USP24: variants seen among roughly 807,000 people sequenced by gnomAD.
The protein encoded by USP24 is ubiquitin specific peptidase 24.
In USP24, 97 loss-of-function variants were observed where a neutral mutation model predicts 361.6. The observed-to-expected ratio is 0.27, with a 90% CI of 0.23 to 0.32. The LOEUF is 0.32. Ranked by LOEUF, USP24 falls within the 10% of genes least tolerant of loss-of-function variation. The probability of loss-of-function intolerance (pLI) is 1.00; values close to 1 mark genes in which losing one functional copy is unlikely to be tolerated. For missense variants in USP24, 2,353 were observed against 3,165.6 expected (o/e 0.74, Z 6.16); for synonymous variants, 1,098 against 1,124.6 (o/e 0.98, Z 0.47).
At chr1:55,071,169 C>T (rs1644912066) in intron 67 of USP24, 1 of 985,412 alleles carries the variant, frequency 1.0e-6, no homozygotes, top group African/African-American at 1.7e-5. Context: ...TTTAATGGGG[C>T]CTATTCTGTA....
intron 16 of USP24, among the ~76,000 whole-genome samples, chr1:55,149,693 C>T (rs1204294125): frequency 6.6e-6 from 1 of 152,152 alleles, no homozygotes; most frequent in Non-Finnish European, 1.5e-5. Context: ...CCACTAGGCA[C>T]AGGAGTAAGT....
At chr1:55,103,820 T>C in intron 42 of USP24, 56 bp downstream of exon 42, 7 of 1,547,050 alleles carry the variant, frequency 4.5e-6, no homozygotes, top group Middle Eastern at 2.1e-4. Flanking sequence ...CTTAAAATTA[T>C]ATGTTTCAGA....
chr1:55,088,488 TAG>T (rs982988445), intron 55 of USP24, among the ~76,000 whole-genome samples: 2 of 152,232 alleles, frequency 1.3e-5, no homozygotes, highest in Non-Finnish European at 2.9e-5. Flanking sequence ...TGTGCACATG[TAG>T]AGAGATTCAT....
Position 55,165,048 on chromosome 1 carries a change from A to G in USP24, c.927+837T>C, listed in dbSNP as rs984245739. 3.3e-5 allele frequency among the ~76,000 whole-genome samples: 5 copies of G among 152,128 alleles called. No individual in the cohort carries two copies. In the East Asian group the frequency reaches 9.7e-4, roughly 29 times the overall value. ...AAACACTGGGTGGCAAGAAAGAGTCAATCTATTACTACACCATCAGTCTCT... is the reference window on the plus strand; with the variant it reads ...AAACACTGGGTGGCAAGAAAGAGTCGATCTATTACTACACCATCAGTCTCT... On this transcript the variant is annotated intron_variant, in intron 7 of 67. Transcript: ENST00000294383.
chr1:55,118,349 T>C (rs1404751646), intron 38 of USP24, among the ~76,000 whole-genome samples: 1 of 152,058 alleles, frequency 6.6e-6, no homozygotes, highest in African/African-American at 2.4e-5. Flanking sequence ...AACCATTCAA[T>C]GGGGAAAGGA....
At chr1:55,110,309 C>G in intron 38 of USP24, 63 bp from the exon 39 acceptor site, 1 of 1,337,776 alleles carries the variant, frequency 7.5e-7, no homozygotes, top group East Asian at 2.7e-5. Context: ...AAGCATTTTC[C>G]TTGTAAGAAC....
chr1:55,069,333 CT>C (rs1644872493), intron 67 of USP24, among the ~76,000 whole-genome samples: 1 of 152,236 alleles, frequency 6.6e-6, no homozygotes, highest in South Asian at 2.1e-4. Context: ...AACCCAGCGA[CT>C]TGTCTAAAGT....
At chr1:55,151,803 G>T in intron 16 of USP24, 1 of 777,650 alleles carries the variant, frequency 1.3e-6, no homozygotes, top group Non-Finnish European at 1.6e-6. Context: ...CACAACAGTG[G>T]AACTTGGGAA....
At chr1:55,176,468 T>C in intron 2 of USP24, 25 bp from the exon 3 acceptor site, 2 of 1,547,308 alleles carry the variant, frequency 1.3e-6, no homozygotes, top group Non-Finnish European at 1.8e-6. Context: ...TGAAATAATA[T>C]ACTTTATTTA....
chr1:55,093,478 T>C (rs587430), intron 52 of USP24: 158,021 of 158,192 alleles, frequency 1, 78,925 homozygotes, highest in Middle Eastern at 1. Context: ...TGATACTGCA[T>C]AATAATCTTT....
At chr1:55,115,918 C>G (rs1646101007) in intron 38 of USP24, among the ~76,000 whole-genome samples, 1 of 152,124 alleles carries the variant, frequency 6.6e-6, no homozygotes, top group Non-Finnish European at 1.5e-5. Flanking sequence ...AACACAAGAA[C>G]AGAAAACCAA....
chr1:55,160,041 G>C (rs1648107998), intron 8 of USP24, among the ~76,000 whole-genome samples: 1 of 152,074 alleles, frequency 6.6e-6, no homozygotes, highest in African/African-American at 2.4e-5. Flanking sequence ...TATAAACACA[G>C]ACCATGGAAA....
At position 55,101,015 on chromosome 1, in the gene USP24, G is replaced by A. The variant is rs1378810082; in HGVS notation, c.5146-51C>T. 3 of 1,582,418 alleles carry A rather than the reference G, an allele frequency of 1.9e-6. No homozygotes were observed. The African/African-American group carries it at 4.1e-5, about 22-fold the overall frequency. The stretch of plus-strand genomic sequence containing the variant: ...CTTGAAATATTTAAAATGCTTCACA[G>A]GAAACTCTGACATATGTACATGTTA... On this transcript the variant is annotated intron_variant, in intron 43 of 67. Transcript: ENST00000294383.
Position 55,141,571 on chromosome 1 carries a change from A to C in USP24, c.2750+45T>G, listed in dbSNP as rs770939086. Reference sequence around the variant, plus strand: ...ATAAAAAACACCAATCATTTTAAAAAACTGACATATGTGTGTTGTGTATTT... The same window carrying C: ...ATAAAAAACACCAATCATTTTAAAACACTGACATATGTGTGTTGTGTATTT... On this transcript the variant is annotated intron_variant, in intron 24 of 67. Coordinates refer to ENST00000294383, the MANE Select transcript of USP24 (RefSeq NM_015306.3). 2.7e-6 allele frequency: 4 copies of C among 1,495,032 alleles called. No individual in the cohort carries two copies. In the Admixed American group the frequency reaches 5.8e-5, roughly 22 times the overall value. The allele number at this position is 1,495,032 out of a possible 1,614,324, so 92.6% of individuals were successfully genotyped here.
At chr1:55,084,894 G>A (rs1275722254) in intron 56 of USP24, among the ~76,000 whole-genome samples, 1 of 152,168 alleles carries the variant, frequency 6.6e-6, no homozygotes, top group East Asian at 1.9e-4. Context: ...CCCATCTCTA[G>A]GGAGGCTGCA....
At chr1:55,167,183 T>A (rs149204922) in intron 5 of USP24, among the ~76,000 whole-genome samples, 2 of 152,234 alleles carry the variant, frequency 1.3e-5, no homozygotes, top group East Asian at 3.9e-4. Flanking sequence ...CAATTCAAAT[T>A]GTGCTAAGTC....
At chr1:55,094,406 ATAT>A (rs907823695) in intron 51 of USP24, among the ~76,000 whole-genome samples, 18 of 152,168 alleles carry the variant, frequency 1.2e-4, no homozygotes, top group Admixed American at 1.2e-3. Context: ...TTCTTCCTTC[ATAT>A]TATTGTGAGA....
chr1:55,072,035 G>C (rs1483095426), intron 66 of USP24, 111 bp from the exon 67 acceptor site: 1 of 953,320 alleles, frequency 1.0e-6, no homozygotes, highest in Non-Finnish European at 1.6e-6. Context: ...GGAGGCCTGA[G>C]AGTGAGGCCT....
chr1:55,079,976 A>C (rs1645116577), intron 59 of USP24, among the ~76,000 whole-genome samples: 2 of 152,162 alleles, frequency 1.3e-5, no homozygotes, highest in Non-Finnish European at 2.9e-5. Context: ...GATCCCTCAC[A>C]GTCTAGGGGG....
Sources: allele counts gnomAD v4.1 joint callset (sites outside exome capture counted in the v4.1 genomes callset), GRCh38; gene constraint gnomAD v4.1.1; transcripts MANE v1.5; gene names NCBI Gene and HGNC (gene_info 2026-07-23, HGNC 2026-07-21).